FER1L6: variants seen among roughly 807,000 people sequenced by gnomAD.
FER1L6 encodes fer-1-like protein 6.
A neutral mutation model predicts 219.2 loss-of-function variants in FER1L6; 177 were observed. The observed-to-expected ratio is 0.81, with a 90% CI of 0.71 to 0.91. The LOEUF (loss-of-function observed/expected upper bound fraction) is 0.91. Ranked by LOEUF, FER1L6 falls within the 40% of genes least tolerant of loss-of-function variation. The probability of loss-of-function intolerance (pLI) is 0.00; values close to 1 mark genes in which losing one functional copy is unlikely to be tolerated. For missense variants in FER1L6, 2,153 were observed against 2,259.9 expected, an observed-to-expected ratio of 0.95 and a Z score of 0.96; for synonymous variants, 768 against 824.3, an observed-to-expected ratio of 0.93 and a Z score of 1.17.
intron 1 of FER1L6, among the ~76,000 whole-genome samples, chr8:123,943,987 A>T (rs1308506916): frequency 6.6e-6 from 1 of 152,110 alleles, no homozygotes; most frequent in Non-Finnish European, 1.5e-5. Context: ...CTAGGAGGTA[A>T]CATAGAGTAG....
In FER1L6 at chr8:124,070,598, G is replaced by A. The variant is rs576256107; in HGVS notation, c.3966G>A (p.Lys1322=). Reference sequence around the variant, plus strand: ...GAGACCGAGTCATAGGAAAATTTAAGGCAGGTTCCATTTTTAATCCTTTTA... The same window carrying A: ...GAGACCGAGTCATAGGAAAATTTAAAGCAGGTTCCATTTTTAATCCTTTTA... The part of the protein sequence containing the change: ...LDGDRVIGKF[K]GSFCIYKSPQ... The change falls in exon 30 of 41, where the codon AAG becomes AAA. Residue 1322 remains lysine, a splice_region_variant and synonymous_variant. Coordinates refer to ENST00000522917, the MANE Select transcript of FER1L6 (RefSeq NM_001039112.2). 2.5e-6 allele frequency: 4 copies of A among 1,576,546 alleles called. No homozygotes were observed. The South Asian group carries it at 3.6e-5, about 14-fold the overall frequency.
At chr8:123,862,838 T>C (rs1365887394) in intron 1 of FER1L6, among the ~76,000 whole-genome samples, 4 of 136,408 alleles carry the variant, frequency 2.9e-5, no homozygotes, top group East Asian at 2.0e-4. Context: ...CCCTTTATCA[T>C]TTTTTATTGT....
intron 1 of FER1L6, among the ~76,000 whole-genome samples, chr8:123,949,329 C>T (rs1056928795): frequency 6.6e-6 from 1 of 152,076 alleles, no homozygotes; most frequent in Non-Finnish European, 1.5e-5. Context: ...CACCCATTCT[C>T]CTATTTCCAA....
intron 20 of FER1L6, among the ~76,000 whole-genome samples, chr8:124,041,296 T>C (rs1819477255): frequency 1.3e-5 from 2 of 152,266 alleles, no homozygotes. Context: ...AAGAAGCAGA[T>C]ATTTAAGTTT....
At chr8:124,018,923 ACT>A (rs1274665574) in intron 16 of FER1L6, among the ~76,000 whole-genome samples, 1 of 152,024 alleles carries the variant, frequency 6.6e-6, no homozygotes, top group Non-Finnish European at 1.5e-5. Flanking sequence ...CCTCTTAATG[ACT>A]CTGGAACGAA....
At chr8:124,114,829 T>A (rs1823167046) in intron 39 of FER1L6, among the ~76,000 whole-genome samples, 1 of 149,474 alleles carries the variant, frequency 6.7e-6, no homozygotes, top group African/African-American at 2.4e-5. Context: ...TGTACATGCA[T>A]GTATGTGGAT....
chr8:123,977,213 GTGACTT>G (rs1189550051), intron 9 of FER1L6, among the ~76,000 whole-genome samples, 198 bp from the exon 10 acceptor site: 1 of 152,250 alleles, frequency 6.6e-6, no homozygotes, highest in Non-Finnish European at 1.5e-5. Context: ...GGGCTGTGAT[GTGACTT>G]TGTCTCAGAT....
chr8:123,909,290 C>CA (rs1302436943), intron 1 of FER1L6, among the ~76,000 whole-genome samples: 129 of 149,830 alleles, frequency 8.6e-4, no homozygotes, highest in African/African-American at 2.9e-3. Context: ...TGTGATAAGA[C>CA]AAAAAAAAAG....
intron 1 of FER1L6, among the ~76,000 whole-genome samples, chr8:123,910,849 C>A (rs769650922): frequency 6.6e-6 from 1 of 152,058 alleles, no homozygotes; most frequent in Non-Finnish European, 1.5e-5. Context: ...CTAGTCAAGG[C>A]AATGACAGGA....
chr8:123,993,235 G>T (rs1004366791), intron 12 of FER1L6, among the ~76,000 whole-genome samples: 1 of 151,930 alleles, frequency 6.6e-6, no homozygotes, highest in Non-Finnish European at 1.5e-5. Context: ...GAGGTCAGGA[G>T]ATCGAGACCA....
rs113078755 is a variant in FER1L6 at position 123,865,648 on chromosome 8, G to T, written c.-8+13463G>T. Among the ~76,000 whole-genome samples, 391 of 151,302 alleles carry T rather than the reference G, an allele frequency of 2.6e-3. 5 individuals are homozygous for T. The East Asian group carries it at 0.063, about 24-fold the overall frequency. ...AATCAGCGAGATTCCGTGGGCGTAG[G>T]ACCCTCCGAGCCAGGTGTGGGATAT... On this transcript the variant is annotated intron_variant, in intron 1 of 40. Transcript: ENST00000522917.
chr8:124,074,592 C>A (rs941956804), intron 31 of FER1L6, among the ~76,000 whole-genome samples: 4 of 149,102 alleles, frequency 2.7e-5, no homozygotes, highest in Non-Finnish European at 4.4e-5. Context: ...GCATAAGTTG[C>A]AGTGAGCCAA....
intron 39 of FER1L6, among the ~76,000 whole-genome samples, chr8:124,103,782 A>G (rs762616054): frequency 5.3e-4 from 80 of 152,192 alleles, no homozygotes; most frequent in Non-Finnish European, 1.1e-3. Flanking sequence ...CCTTTCACAA[A>G]TATTGGGAAG....
At chr8:124,004,258 A>T (rs539030450) in intron 13 of FER1L6, 1 of 152,274 alleles carries the variant, frequency 6.6e-6, no homozygotes, top group South Asian at 2.1e-4. Context: ...AAATTACAGA[A>T]TTTTTTAAAA....
chr8:123,890,708 C>G (rs549726043), intron 1 of FER1L6, among the ~76,000 whole-genome samples: 1 of 121,756 alleles, frequency 8.2e-6, no homozygotes, highest in African/African-American at 3.1e-5. Context: ...ACAACAACAA[C>G]AACAAAAACC....
At chr8:124,089,019 G>A (rs560560217) in intron 33 of FER1L6, among the ~76,000 whole-genome samples, 8 of 152,232 alleles carry the variant, frequency 5.3e-5, no homozygotes, top group Admixed American at 1.3e-4. Context: ...ACTATGTCAT[G>A]TGCACCCCAA....
chr8:124,057,253 G>A (rs1490641383), intron 22 of FER1L6, among the ~76,000 whole-genome samples: 1 of 152,096 alleles, frequency 6.6e-6, no homozygotes, highest in Non-Finnish European at 1.5e-5. Context: ...GCCTGGGTTG[G>A]AAACAATTTT....
intron 39 of FER1L6, among the ~76,000 whole-genome samples, chr8:124,116,415 C>A (rs538207551): frequency 6.6e-6 from 1 of 150,520 alleles, no homozygotes. Context: ...GCATGAAACA[C>A]CATGCAAGTT....
At position 124,067,762 on chromosome 8, in the gene FER1L6, C is replaced by G. The variant is rs759241888; in HGVS notation, c.3679-5C>G. On this transcript the variant is annotated splice_polypyrimidine_tract_variant and splice_region_variant and intron_variant, in intron 27 of 40. Coordinates refer to ENST00000522917, the MANE Select transcript of FER1L6 (RefSeq NM_001039112.2). ...GTGTCAATAATATTGTCTCCTTTTT[C>G]AAAGGCAAAGGAGAGAAATCCCAAG... 2.5e-6 allele frequency: 4 copies of G among 1,609,904 alleles called. No individual in the cohort carries two copies. The highest frequency in any genetic ancestry group is 3.4e-6 in the Non-Finnish European group (4 of 1,177,052).
Sources: gnomAD v4.1 joint callset for allele counts (sites outside exome capture counted in the v4.1 genomes callset) on GRCh38, gnomAD v4.1.1 for gene constraint, MANE v1.5 for transcripts, NCBI Gene and HGNC (gene_info 2026-07-23, HGNC 2026-07-21) for gene names.